The following RALY variants were observed in gnomAD, a reference collection of about 807,000 sequenced individuals.
The protein encoded by RALY is RALY heterogeneous nuclear ribonucleoprotein, also known as RNA-binding protein Raly.
In RALY, 15 loss-of-function variants were observed where a neutral mutation model predicts 30.7. The observed-to-expected ratio is 0.49, with a 90% CI of 0.33 to 0.75. RALY has a LOEUF of 0.75. Ranked by LOEUF, RALY falls within the 30% of genes least tolerant of loss-of-function variation. The probability of loss-of-function intolerance (pLI) is 0.02; values close to 1 mark genes in which losing one functional copy is unlikely to be tolerated. For missense variants in RALY, 339 were observed against 414.3 expected, an observed-to-expected ratio of 0.82 and a Z score of 1.58; for synonymous variants, 177 against 170.8, an observed-to-expected ratio of 1.04 and a Z score of -0.28.
intron 1 of RALY, among the ~76,000 whole-genome samples, chr20:34,001,445 G>A (rs1324855184): frequency 1.3e-5 from 2 of 152,144 alleles, no homozygotes; most frequent in Non-Finnish European, 2.9e-5. Context: ...AAGACTCATT[G>A]CTTTATTCCA....
At chr20:34,027,645 A>C (rs758996407) in intron 1 of RALY, among the ~76,000 whole-genome samples, 1 of 152,216 alleles carries the variant, frequency 6.6e-6, no homozygotes, top group Non-Finnish European at 1.5e-5. Context: ...GACTGTTCTC[A>C]ATCATCTGTG....
At chr20:34,002,774 C>T (rs1327560408) in intron 1 of RALY, among the ~76,000 whole-genome samples, 5 of 152,164 alleles carry the variant, frequency 3.3e-5, no homozygotes, top group African/African-American at 1.2e-4. Flanking sequence ...CATCTGGACA[C>T]CCACACAGTT....
chr20:34,063,587 T>C (rs1601493752), intron 2 of RALY, among the ~76,000 whole-genome samples: 1 of 152,190 alleles, frequency 6.6e-6, no homozygotes, highest in East Asian at 1.9e-4. Flanking sequence ...GTTCTACATA[T>C]TAAATTGTAT....
chr20:34,078,719 C>A (rs1568702706), intron 9 of RALY, among the ~76,000 whole-genome samples, 166 bp downstream of exon 9: 1 of 152,154 alleles, frequency 6.6e-6, no homozygotes, highest in Admixed American at 6.5e-5. Context: ...CCGTCACACC[C>A]CTTCATGCTT....
At chr20:34,063,922 G>A (rs2033491112) in intron 2 of RALY, among the ~76,000 whole-genome samples, 1 of 152,124 alleles carries the variant, frequency 6.6e-6, no homozygotes, top group South Asian at 2.1e-4. Context: ...CTCAGGGCAC[G>A]TGTGCCTTGT....
Position 34,081,587 on chromosome 20 carries a change from G to A in RALY, c.*1682G>A, listed in dbSNP as rs961097010. On this transcript the variant is annotated 3_prime_UTR_variant, in exon 10 of 10. Transcript: ENST00000246194. ...CCATTTCAAACCAACCCGGTCTACAGCCTCCAGGGAAGCTTCCTCCTGGGC... is the reference window on the plus strand; with the variant it reads ...CCATTTCAAACCAACCCGGTCTACAACCTCCAGGGAAGCTTCCTCCTGGGC... 1.3e-5 allele frequency: 2 copies of A among 152,274 alleles called. No homozygotes were observed. The highest frequency in any genetic ancestry group is 1.3e-4 in the Admixed American group (2 of 15,282). The allele number at this position is 152,274 out of a possible 1,614,324, so 9.4% of individuals were successfully genotyped here.
At chr20:34,036,103 G>A (rs1449070322) in intron 2 of RALY, among the ~76,000 whole-genome samples, 1 of 151,684 alleles carries the variant, frequency 6.6e-6, no homozygotes, top group Non-Finnish European at 1.5e-5. Flanking sequence ...ACATTGGAGA[G>A]TTTTGAATAG....
At chr20:34,077,268 G>A (rs752308098) in intron 8 of RALY, 23 bp downstream of exon 8, 25 of 1,612,790 alleles carry the variant, frequency 1.6e-5, no homozygotes, top group East Asian at 8.9e-5. Context: ...CCAGGGGCAC[G>A]ACTGGGACTC....
rs1401105036 is a variant in RALY at position 34,082,890 on chromosome 20, G to A, written c.*2985G>A. The A allele has an allele frequency of 2.0e-5, 3 of 152,248 alleles. No individual in the cohort carries two copies. The highest frequency in any genetic ancestry group is 2.9e-5 in the Non-Finnish European group (2 of 68,054). The allele number at this position is 152,248 out of a possible 1,614,324, so 9.4% of individuals were successfully genotyped here. A position where few individuals can be genotyped will look rare whatever the true frequency, so the allele number is the denominator to read the frequency against. ...CTGCCTAAAGGATCAGTCTTTAGAT[G>A]TTTTCAGATTGAAAGCCTCATTTGT... On this transcript the variant is annotated 3_prime_UTR_variant, in exon 10 of 10. Coordinates refer to ENST00000246194, the MANE Select transcript of RALY (RefSeq NM_016732.3).
chr20:34,071,983 A>T lies in RALY; in HGVS notation c.-9-83A>T. ...TAAGGGTTAAGGAAGGTAAGAGGCA[A>T]TTCATTTATCCAGGATATGGGCCGT... On this transcript the variant is annotated intron_variant, in intron 2 of 9. Transcript: ENST00000246194. 7 of 1,461,694 alleles carry T rather than the reference A, an allele frequency of 4.8e-6. No individual in the cohort carries two copies. In the South Asian group the frequency reaches 9.2e-5, roughly 19 times the overall value. The allele number at this position is 1,461,694 out of a possible 1,614,324, so 90.5% of individuals were successfully genotyped here.
chr20:34,016,119 C>T lies in RALY; in HGVS notation c.-92-15403C>T, dbSNP rs542504038. Among the ~76,000 whole-genome samples the T allele has an allele frequency of 7.2e-5, 11 of 152,258 alleles. No homozygotes were observed. In the East Asian group the frequency reaches 9.6e-4, roughly 13 times the overall value. On this transcript the variant is annotated intron_variant, in intron 1 of 9. Transcript: ENST00000246194. The stretch of plus-strand genomic sequence containing the variant: ...CACACATGCCCACATAATCTCTGCC[C>T]GTGCCAGATGCCACACACCGAGTAC...
At chr20:34,050,173 A>C (rs190256738) in intron 2 of RALY, among the ~76,000 whole-genome samples, 44 of 152,310 alleles carry the variant, frequency 2.9e-4, no homozygotes, top group African/African-American at 1.1e-3. Flanking sequence ...GGGCAAACTG[A>C]GGTCCAGAGT....
intron 1 of RALY, among the ~76,000 whole-genome samples, chr20:34,024,927 A>G (rs977243966): frequency 6.6e-6 from 1 of 152,214 alleles, no homozygotes; most frequent in African/African-American, 2.4e-5. Flanking sequence ...AGGCTGGGAT[A>G]AGCAAGCCTT....
In RALY at chr20:34,025,293, G is replaced by A. The variant is rs558244890; in HGVS notation, c.-92-6229G>A. 4.0e-3 allele frequency among the ~76,000 whole-genome samples: 596 copies of A among 147,734 alleles called. 4 individuals are homozygous for A. The highest frequency in any genetic ancestry group is 0.014 in the African/African-American group (567 of 40,064). ...GAGGAAGATAACCCTTCAGCAACAC[G>A]TCTCTCTCTCTCTCTCTTTTTTTTT... On this transcript the variant is annotated intron_variant, in intron 1 of 9. Coordinates refer to ENST00000246194, the MANE Select transcript of RALY (RefSeq NM_016732.3).
intron 2 of RALY, among the ~76,000 whole-genome samples, chr20:34,035,183 A>C (rs980887993): frequency 6.3e-5 from 9 of 143,912 alleles, no homozygotes; most frequent in Admixed American, 1.4e-4. Context: ...AAAAAAAAAA[A>C]AAAACAGTCT....
At chr20:34,034,842 G>A (rs947995185) in intron 2 of RALY, among the ~76,000 whole-genome samples, 1 of 152,116 alleles carries the variant, frequency 6.6e-6, no homozygotes, top group Admixed American at 6.5e-5. Flanking sequence ...AAGGGGAGGG[G>A]TGAAAGAAGA....
intron 2 of RALY, among the ~76,000 whole-genome samples, chr20:34,047,701 T>C (rs1273370377): frequency 6.6e-6 from 1 of 152,172 alleles, no homozygotes; most frequent in African/African-American, 2.4e-5. Flanking sequence ...TCTTTTTCCT[T>C]TTCTCTAAAA....
At position 34,057,666 on chromosome 20, in the gene RALY, C is replaced by CAAA. The variant is rs548450019; in HGVS notation, c.-9-14383_-9-14381dup. Among the ~76,000 whole-genome samples the CAAA allele has an allele frequency of 4.8e-3, 324 of 67,150 alleles. 7 individuals are homozygous for CAAA. The highest frequency in any genetic ancestry group is 0.028 in the South Asian group (58 of 2,058). 44.1% of individuals were successfully genotyped at this position (67,150 alleles called of 152,430 possible). On this transcript the variant is annotated intron_variant, in intron 2 of 9. Coordinates refer to ENST00000246194, the MANE Select transcript of RALY (RefSeq NM_016732.3). ...TGGGCGACAGAGCGAGACTCCGTCT[C>CAAA]AAAAAAAAAAAAAAAAAAACAACCT...
intron 1 of RALY, among the ~76,000 whole-genome samples, chr20:34,009,122 C>T (rs1163166890): frequency 6.6e-6 from 1 of 152,034 alleles, no homozygotes; most frequent in East Asian, 1.9e-4. Flanking sequence ...GAGGCTAGAG[C>T]CTGACGCTGA....
Sources: gnomAD v4.1 joint callset for allele counts (sites outside exome capture counted in the v4.1 genomes callset) on GRCh38, gnomAD v4.1.1 for gene constraint, MANE v1.5 for transcripts, NCBI Gene and HGNC (gene_info 2026-07-23, HGNC 2026-07-21) for gene names.